Variants in RNF157 observed in about 807,000 individuals in gnomAD.
The protein encoded by RNF157 is ring finger protein 157, also known as E3 ubiquitin ligase RNF157.
A neutral mutation model predicts 88.3 loss-of-function variants in RNF157; 55 were observed. The ratio of observed to expected loss-of-function variants is 0.62; its 90% CI spans 0.50 to 0.78. RNF157 has a LOEUF of 0.78. Ranked by LOEUF, RNF157 falls within the 30% of genes least tolerant of loss-of-function variation. RNF157 has a pLI of 0.00. For synonymous variants in RNF157, 334 were observed against 341.2 expected, an observed-to-expected ratio of 0.98 and a Z score of 0.23; for missense variants, 788 against 860.8, an observed-to-expected ratio of 0.92 and a Z score of 1.06.
In RNF157 at chr17:76,226,730, C is replaced by A. The variant is rs2070094162; in HGVS notation, c.88+13423G>T. On this transcript the variant is annotated intron_variant, in intron 1 of 18. Transcript: ENST00000269391. Reference sequence around the variant, plus strand: ...TAAGAGACCTATGCTTTCTTCAGCCCCCAAACCCGACTGGTCGAAGGGGGA... The same window carrying A: ...TAAGAGACCTATGCTTTCTTCAGCCACCAAACCCGACTGGTCGAAGGGGGA... The A allele has an allele frequency of 2.5e-6, 4 of 1,609,788 alleles. No homozygotes were observed. In the South Asian group the frequency reaches 4.4e-5, roughly 18 times the overall value.
chr17:76,154,848 A>G (rs2068737330), intron 16 of RNF157, among the ~76,000 whole-genome samples: 1 of 152,120 alleles, frequency 6.6e-6, no homozygotes, highest in Non-Finnish European at 1.5e-5. Context: ...AGATGGGTGC[A>G]GTGGGCTGGG....
chr17:76,153,955 TGA>T, intron 17 of RNF157: 1 of 296,814 alleles, frequency 3.4e-6, no homozygotes, highest in Non-Finnish European at 6.4e-6. Flanking sequence ...GGGGCTCCAC[TGA>T]AAACCTGCAG....
intron 2 of RNF157, among the ~76,000 whole-genome samples, chr17:76,207,856 T>C (rs943655367): frequency 3.9e-5 from 6 of 152,198 alleles, no homozygotes; most frequent in African/African-American, 9.6e-5. Context: ...GCTCAGCAGA[T>C]GGAATTACAC....
At chr17:76,217,114 A>C (rs1243039186) in intron 1 of RNF157, among the ~76,000 whole-genome samples, 1 of 152,174 alleles carries the variant, frequency 6.6e-6, no homozygotes, top group Non-Finnish European at 1.5e-5. Flanking sequence ...GGGAAGACGC[A>C]TAAAATGTGC....
At chr17:76,201,216 T>A (rs1049492825) in intron 2 of RNF157, among the ~76,000 whole-genome samples, 1 of 150,668 alleles carries the variant, frequency 6.6e-6, no homozygotes, top group Non-Finnish European at 1.5e-5. Flanking sequence ...CCGGGCACAG[T>A]GGCTCACACC....
chr17:76,145,348 A>C lies in RNF157; in HGVS notation c.1927T>G (p.Trp643Gly), dbSNP rs967267200. The C allele has an allele frequency of 6.2e-7, 1 of 1,611,656 alleles. No homozygotes were observed. The highest frequency in any genetic ancestry group is 8.5e-7 in the Non-Finnish European group (1 of 1,178,640). Reference sequence around the variant, plus strand: ...CTGACGGCATTGTCATCAGCCTGCCAGGCACCTGGGGAAGAGAAAATGAAC... The same window carrying C: ...CTGACGGCATTGTCATCAGCCTGCCCGGCACCTGGGGAAGAGAAAATGAAC... ...LCSEVCLPGA[W>G]QADDNAVSRN... Residue 643 changes from tryptophan to glycine, a missense_variant, in exon 19 of 19, where the codon TGG (tryptophan) becomes GGG (glycine). Physicochemically the swap from Trp to Gly is radical, Grantham distance 184. Transcript: ENST00000269391.
chr17:76,152,459 C>A lies in RNF157; in HGVS notation c.1817G>T (p.Arg606Met), dbSNP rs1315412778. 2 of 1,609,110 alleles carry A rather than the reference C, an allele frequency of 1.2e-6. No homozygotes were observed. Among genetic ancestry groups the A allele is most frequent in the Admixed American group, 3.3e-5 (2 of 60,028 alleles). ...CTCCATACCTAGAAATGCGCACGTC[C>A]TCTGGCCTGTAACGGAGTTAATGCA... is the stretch of plus-strand genomic sequence containing the variant. ...EDGSPTQEGQ[R>M]TCAFLGMECD... is the part of the protein sequence containing the mutation. Residue 606 changes from arginine to methionine, a missense_variant, in exon 18 of 19, where the codon AGG becomes ATG. Arg to Met is a moderately conservative substitution (Grantham distance 91, BLOSUM62 -1). Coordinates refer to ENST00000269391, the MANE Select transcript of RNF157 (RefSeq NM_052916.3).
At chr17:76,148,678 C>G (rs755006202) in intron 18 of RNF157, among the ~76,000 whole-genome samples, 35 of 151,768 alleles carry the variant, frequency 2.3e-4, no homozygotes, top group Middle Eastern at 3.4e-3. Flanking sequence ...TCAATTGATC[C>G]TCCTGCCTCA....
rs753987010 is a variant in RNF157, at chr17:76,167,069, C to T, written c.501G>A (p.Val167=). The T allele has an allele frequency of 2.5e-6, 4 of 1,613,148 alleles. No homozygotes were observed. Among genetic ancestry groups the T allele is most frequent in the East Asian group, 4.5e-5 (2 of 44,860 alleles). ...GGGAGGGCAGGCAGAACTGCTGACACACTCCTCGCTTGTACTGCACAGTCT... is the reference window on the plus strand; with the variant it reads ...GGGAGGGCAGGCAGAACTGCTGACATACTCCTCGCTTGTACTGCACAGTCT... ...QSETVQYKRG[V]CQQFCLPSHT... The change falls in exon 5 of 19, where the codon GTG becomes GTA. Residue 167 remains valine (V), a synonymous_variant. Transcript: ENST00000269391.
intron 2 of RNF157, among the ~76,000 whole-genome samples, chr17:76,181,609 TAA>T (rs1568044162): frequency 6.6e-6 from 1 of 152,082 alleles, no homozygotes; most frequent in Admixed American, 6.6e-5. Flanking sequence ...ACTTCTTCAC[TAA>T]ATTGTTTTCA....
chr17:76,224,372 G>A (rs1463653810), intron 1 of RNF157, among the ~76,000 whole-genome samples: 2 of 140,888 alleles, frequency 1.4e-5, no homozygotes, highest in Non-Finnish European at 3.2e-5. Flanking sequence ...TATAATAAAG[G>A]ACAATTAAAC....
rs2068534614 is a variant in RNF157 at position 76,142,825 on chromosome 17, G to C, written c.*2410C>G. ...GGGCAGAAGGAAAAAAGGGCTCTGT[G>C]AGGAAGCCGGGATCACACCACCTGA... On this transcript the variant is annotated 3_prime_UTR_variant, in exon 19 of 19. Transcript: ENST00000269391. 1 of 152,626 alleles carries C rather than the reference G, an allele frequency of 6.6e-6. No individual in the cohort carries two copies. Among genetic ancestry groups the C allele is most frequent in the Non-Finnish European group, 1.5e-5 (1 of 68,288 alleles). The allele number at this position is 152,626 out of a possible 1,614,324, so 9.5% of individuals were successfully genotyped here.
intron 1 of RNF157, among the ~76,000 whole-genome samples, chr17:76,215,115 C>T (rs2069865764): frequency 6.6e-6 from 1 of 152,028 alleles, no homozygotes; most frequent in Non-Finnish European, 1.5e-5. Flanking sequence ...TGAGGATATA[C>T]ACAAACTCCC....
rs141045829 is a variant in RNF157, at chr17:76,204,573, T to C, written c.207+7791A>G. ...CGGGACTAACAGAATCATGTTCTCT[T>C]TTTTTGCCACAAAGCTCTATAAGTG... On this transcript the variant is annotated intron_variant, in intron 2 of 18. Transcript: ENST00000269391. Among the ~76,000 whole-genome samples the C allele has an allele frequency of 6.1e-3, 928 of 152,306 alleles. 11 individuals carry two copies. Among genetic ancestry groups the C allele is most frequent in the African/African-American group, 0.021 (883 of 41,568 alleles).
At chr17:76,200,114 C>T (rs1000351144) in intron 2 of RNF157, among the ~76,000 whole-genome samples, 68 of 151,776 alleles carry the variant, frequency 4.5e-4, no homozygotes, top group African/African-American at 1.6e-3. Flanking sequence ...TGGTGGCGGG[C>T]GCCTGTAGTC....
intron 17 of RNF157, 30 bp from the exon 18 acceptor site, chr17:76,152,495 G>A: frequency 1.4e-6 from 2 of 1,400,740 alleles, no homozygotes; most frequent in Non-Finnish European, 2.0e-6. Context: ...GTTAGAGAGG[G>A]GCTGGCTGTG....
chr17:76,226,088 C>G (rs2070079204), intron 1 of RNF157: 1 of 1,601,862 alleles, frequency 6.2e-7, no homozygotes, highest in Non-Finnish European at 8.5e-7. Flanking sequence ...ATTTGGAGAG[C>G]CCCTGGTAGA....
chr17:76,171,483 C>T (rs1042868440), intron 3 of RNF157, among the ~76,000 whole-genome samples: 2 of 152,090 alleles, frequency 1.3e-5, no homozygotes, highest in Non-Finnish European at 2.9e-5. Context: ...CCATCATGCC[C>T]GGCCAGATTT....
chr17:76,166,942 C>T, intron 5 of RNF157, 67 bp downstream of exon 5: 1 of 1,066,112 alleles, frequency 9.4e-7, no homozygotes, highest in Admixed American at 2.3e-5. Flanking sequence ...TGCTGTCAGA[C>T]CGAGTCCTAA....
Sources: allele counts gnomAD v4.1 joint callset (sites outside exome capture counted in the v4.1 genomes callset), GRCh38; gene constraint gnomAD v4.1.1; transcripts MANE v1.5; gene names NCBI Gene and HGNC (gene_info 2026-07-23, HGNC 2026-07-21).